The following MAF variants were observed in gnomAD, a reference collection of about 807,000 sequenced individuals.
MAF encodes MAF bZIP transcription factor.
A neutral mutation model predicts 22.0 loss-of-function variants in MAF; 10 were observed. The ratio of observed to expected loss-of-function variants is 0.45; its 90% confidence interval spans 0.28 to 0.77. The LOEUF (loss-of-function observed/expected upper bound fraction) is 0.77. Ranked by LOEUF, MAF falls within the 30% of genes least tolerant of loss-of-function variation. MAF has a pLI of 0.12. For missense variants in MAF, 544 were observed against 548.4 expected (o/e 0.99, Z 0.08); for synonymous variants, 337 against 255.8 (o/e 1.32, Z -3.03).
chr16:79,367,182 A>C, the MAF span, among the ~76,000 whole-genome samples: 20 of 152,306 alleles, frequency 1.3e-4, no homozygotes, highest in East Asian at 2.5e-3. Context: ...CATTTGAGAC[A>C]GTTCTCCTCT....
chr16:79,299,347 G>GAA, the MAF span, among the ~76,000 whole-genome samples: 1 of 86,846 alleles, frequency 1.2e-5, no homozygotes, highest in Non-Finnish European at 2.5e-5. Flanking sequence ...CAAAGAAAAA[G>GAA]AAAAAAAAAA....
chr16:79,597,362 T>C, intron 1 of MAF: 1 of 1,037,472 alleles, frequency 9.6e-7, no homozygotes, highest in Non-Finnish European at 1.2e-6. Context: ...AGCCAAAAAA[T>C]ATAAAATAAA....
At chr16:79,563,147 G>A in the MAF span, among the ~76,000 whole-genome samples, 2 of 152,126 alleles carry the variant, frequency 1.3e-5, no homozygotes, top group Non-Finnish European at 2.9e-5. Flanking sequence ...TACCCATAAA[G>A]CACTGGACTT....
the MAF span, among the ~76,000 whole-genome samples, chr16:79,258,833 C>A: frequency 2.6e-5 from 4 of 152,166 alleles, no homozygotes; most frequent in Non-Finnish European, 5.9e-5. Context: ...GGTCTCTCTG[C>A]ACTTCTGGTT....
chr16:79,361,801 T>C, the MAF span, among the ~76,000 whole-genome samples: 1 of 152,108 alleles, frequency 6.6e-6, no homozygotes, highest in South Asian at 2.1e-4. Context: ...AGGGAGAATA[T>C]GAAGGAATCG....
the MAF span, among the ~76,000 whole-genome samples, chr16:79,574,082 T>G: frequency 6.6e-5 from 10 of 152,244 alleles, no homozygotes; most frequent in African/African-American, 2.4e-4. Context: ...AGGCGTGAAC[T>G]TCACGCTCAC....
the MAF span, among the ~76,000 whole-genome samples, chr16:79,474,255 G>T: frequency 3.3e-5 from 5 of 152,148 alleles, no homozygotes; most frequent in Non-Finnish European, 7.3e-5. Context: ...AAACCTTAAC[G>T]CATTTTGTAT....
chr16:79,528,055 T>G, the MAF span, among the ~76,000 whole-genome samples: 1 of 152,110 alleles, frequency 6.6e-6, no homozygotes, highest in Non-Finnish European at 1.5e-5. Context: ...AGCAGGAGAA[T>G]CACTTGAACC....
the MAF span, among the ~76,000 whole-genome samples, chr16:79,252,881 G>T: frequency 6.6e-6 from 1 of 152,162 alleles, no homozygotes; most frequent in African/African-American, 2.4e-5. Flanking sequence ...AATTGTGAAA[G>T]GGGTGTAAAA....
the MAF span, among the ~76,000 whole-genome samples, chr16:79,536,726 C>T: frequency 6.6e-6 from 1 of 152,122 alleles, no homozygotes; most frequent in Non-Finnish European, 1.5e-5. Flanking sequence ...CTTTTTTTCC[C>T]TGTCATTATT....
the MAF span, among the ~76,000 whole-genome samples, chr16:79,300,383 C>T: frequency 2.0e-5 from 3 of 152,096 alleles, no homozygotes; most frequent in South Asian, 2.1e-4. Context: ...GGTGAAACCC[C>T]GTCTCTACTA....
At chr16:79,351,759 C>G in the MAF span, among the ~76,000 whole-genome samples, 9 of 152,144 alleles carry the variant, frequency 5.9e-5, no homozygotes, top group East Asian at 1.4e-3. Context: ...TCCCAGGTTT[C>G]CAGTGACAAG....
At chr16:79,358,076 C>G in the MAF span, among the ~76,000 whole-genome samples, 7 of 152,226 alleles carry the variant, frequency 4.6e-5, no homozygotes, top group Non-Finnish European at 8.8e-5. Context: ...GAACTCAAAG[C>G]AGCTGTTCCC....
chr16:79,314,930 G>C, the MAF span, among the ~76,000 whole-genome samples: 1 of 152,154 alleles, frequency 6.6e-6, no homozygotes, highest in Admixed American at 6.5e-5. Context: ...AAGTGACCTC[G>C]AAATGGCAAG....
chr16:79,425,568 T>G, the MAF span, among the ~76,000 whole-genome samples: 13 of 152,324 alleles, frequency 8.5e-5, no homozygotes, highest in East Asian at 2.5e-3. Context: ...GAAAATCAGT[T>G]AATACCCAAA....
the MAF span, among the ~76,000 whole-genome samples, chr16:79,518,980 C>G: frequency 6.6e-6 from 1 of 152,132 alleles, no homozygotes; most frequent in South Asian, 2.1e-4. Flanking sequence ...GCATTATTAA[C>G]TCTATTACTT....
chr16:79,577,784 T>TTGTG, the MAF span, among the ~76,000 whole-genome samples: 2 of 152,202 alleles, frequency 1.3e-5, no homozygotes, highest in Non-Finnish European at 2.9e-5. Flanking sequence ...TAGTAAAATT[T>TTGTG]TGTGATTAAA....
chr16:79,365,353 C>T, the MAF span, among the ~76,000 whole-genome samples: 2 of 152,170 alleles, frequency 1.3e-5, no homozygotes, highest in African/African-American at 4.8e-5. Context: ...GTTTACCAGA[C>T]TGATGGCTGG....
At chr16:79,266,930 G>C in the MAF span, among the ~76,000 whole-genome samples, 1 of 152,134 alleles carries the variant, frequency 6.6e-6, no homozygotes, top group African/African-American at 2.4e-5. Context: ...TTTGATTGCA[G>C]GGAGACTCAC....
Sources: allele counts gnomAD v4.1 joint callset (sites outside exome capture counted in the v4.1 genomes callset), GRCh38; gene constraint gnomAD v4.1.1; transcripts MANE v1.5; gene names NCBI Gene and HGNC (gene_info 2026-07-23, HGNC 2026-07-21).